Variants in WIPF1 observed in about 807,000 individuals in gnomAD.
The protein encoded by WIPF1 is WAS/WASL interacting protein family member 1, also known as WAS/WASL-interacting protein family member 1.
In WIPF1, 13 loss-of-function variants were observed where a neutral mutation model predicts 35.4. That is an observed-to-expected ratio of 0.37 (90% CI 0.24 to 0.58). The LOEUF (loss-of-function observed/expected upper bound fraction) is 0.58. Ranked by LOEUF, WIPF1 falls within the 20% of genes least tolerant of loss-of-function variation. The pLI, the probability that WIPF1 is intolerant of heterozygous loss-of-function variation, is 0.74. For missense variants in WIPF1, 591 were observed against 667.0 expected (o/e 0.89, Z 1.25); for synonymous variants, 267 against 266.3 (o/e 1.00, Z -0.02).
At chr2:174,563,906 A>G (rs1684563700) in intron 7 of WIPF1, among the ~76,000 whole-genome samples, 1 of 152,176 alleles carries the variant, frequency 6.6e-6, no homozygotes, top group African/African-American at 2.4e-5. Context: ...GTTAGGAGAA[A>G]ACACTGAAAG....
chr2:174,570,921 G>T (rs1684810965), intron 5 of WIPF1, among the ~76,000 whole-genome samples: 1 of 152,086 alleles, frequency 6.6e-6, no homozygotes, highest in African/African-American at 2.4e-5. Context: ...ATTATAATTC[G>T]GAGAGGGCAA....
chr2:174,566,907 C>A (rs772572253), intron 7 of WIPF1, 163 bp downstream of exon 7: 4 of 596,672 alleles, frequency 6.7e-6, no homozygotes, highest in Non-Finnish European at 1.2e-5. Context: ...TGGGCATCTG[C>A]AATTTCCTCA....
At chr2:174,679,654 T>C (rs1225254047) in intron 1 of WIPF1, among the ~76,000 whole-genome samples, 1 of 152,166 alleles carries the variant, frequency 6.6e-6, no homozygotes, top group East Asian at 1.9e-4. Context: ...AAGCTTCTCG[T>C]CACACCCATG....
At chr2:174,664,232 T>C (rs1055359985) in intron 1 of WIPF1, among the ~76,000 whole-genome samples, 1 of 152,034 alleles carries the variant, frequency 6.6e-6, no homozygotes, top group Non-Finnish European at 1.5e-5. Flanking sequence ...CGCCAGGCCT[T>C]GGGGCAGGAC....
At chr2:174,658,651 T>C (rs1687693965) in intron 1 of WIPF1, among the ~76,000 whole-genome samples, 1 of 151,958 alleles carries the variant, frequency 6.6e-6, no homozygotes, top group African/African-American at 2.4e-5. Context: ...CAGAATCTCA[T>C]GAGCATCCCA....
intron 1 of WIPF1, among the ~76,000 whole-genome samples, chr2:174,660,882 G>A (rs761274139): frequency 1.3e-5 from 2 of 152,230 alleles, no homozygotes; most frequent in Non-Finnish European, 2.9e-5. Context: ...GACAGAAAAA[G>A]TGCATGATAA....
chr2:174,648,098 A>T (rs1288399537), intron 1 of WIPF1, among the ~76,000 whole-genome samples: 3 of 152,256 alleles, frequency 2.0e-5, no homozygotes, highest in Non-Finnish European at 2.9e-5. Context: ...GGCCGCAGAC[A>T]GGCTGACTTA....
At chr2:174,652,026 C>A (rs994441728) in intron 1 of WIPF1, among the ~76,000 whole-genome samples, 2 of 152,192 alleles carry the variant, frequency 1.3e-5, no homozygotes, top group African/African-American at 4.8e-5. Flanking sequence ...GCCTTTATGG[C>A]ATGTAGCTGG....
intron 4 of WIPF1, 89 bp from the exon 5 acceptor site, chr2:174,572,535 C>G: frequency 6.5e-7 from 1 of 1,541,380 alleles, no homozygotes; most frequent in East Asian, 2.3e-5. Context: ...GACTGGAAGT[C>G]CCTTCCTCAG....
chr2:174,632,369 C>A (rs1419365171), intron 1 of WIPF1, among the ~76,000 whole-genome samples: 1 of 152,054 alleles, frequency 6.6e-6, no homozygotes, highest in Middle Eastern at 3.2e-3. Context: ...AGAATAAGGA[C>A]CCCCAGAAGA....
At chr2:174,663,666 A>G (rs1687828202) in intron 1 of WIPF1, among the ~76,000 whole-genome samples, 1 of 152,234 alleles carries the variant, frequency 6.6e-6, no homozygotes, top group Non-Finnish European at 1.5e-5. Context: ...TCCAGATATG[A>G]AAGTCACTGT....
intron 1 of WIPF1, among the ~76,000 whole-genome samples, chr2:174,608,546 T>C (rs1279499526): frequency 1.3e-5 from 2 of 152,142 alleles, no homozygotes; most frequent in African/African-American, 4.8e-5. Flanking sequence ...GGTAATTTAA[T>C]TAAAATGCAA....
At chr2:174,563,979 C>T (rs1156546516) in intron 7 of WIPF1, among the ~76,000 whole-genome samples, 1 of 152,210 alleles carries the variant, frequency 6.6e-6, no homozygotes, top group Non-Finnish European at 1.5e-5. Flanking sequence ...TGAGAAAAGA[C>T]TCATCTGGAT....
At chr2:174,651,749 A>C (rs917098587) in intron 1 of WIPF1, among the ~76,000 whole-genome samples, 2 of 152,248 alleles carry the variant, frequency 1.3e-5, no homozygotes, top group African/African-American at 2.4e-5. Flanking sequence ...AAAGGACCCC[A>C]AAACTCAGCT....
intron 1 of WIPF1, among the ~76,000 whole-genome samples, chr2:174,655,053 T>C (rs1687612940): frequency 2.0e-5 from 3 of 152,294 alleles, no homozygotes; most frequent in South Asian, 4.2e-4. Flanking sequence ...TTCCAGCCCA[T>C]TTCCATGAGG....
At chr2:174,600,936 T>G (rs1685985071), upstream of WIPF1, among the ~76,000 whole-genome samples, 4 of 133,300 alleles carry the variant, frequency 3.0e-5, no homozygotes. Context: ...TTTTTTTTTT[T>G]TTTTTTGAGA....
In WIPF1 at chr2:174,572,194, G is replaced by A; in HGVS notation, c.611C>T (p.Pro204Leu). The A allele has an allele frequency of 6.2e-7, 1 of 1,614,174 alleles. No individual in the cohort carries two copies. Among genetic ancestry groups the A allele is most frequent in the Non-Finnish European group, 8.5e-7 (1 of 1,180,024 alleles). ...CTGCCTGGGGCCTCCGGGCACTGGT[G>A]GGGACCCCCGGTTGTGCGGACTTGA... is the stretch of plus-strand genomic sequence containing the variant. ...IQSSPHNRGS[P>L]PVPGGPRQPS... The change falls in exon 5 of 8, where the codon CCA becomes CTA. Residue 204 changes from proline to leucine, a missense_variant. Around this residue, in one of 3 missense-constraint regions of WIPF1, gnomAD observed 471 missense variants for 501.1 expected, o/e 0.94. Transcript: ENST00000679041.
chr2:174,590,102 T>A lies in WIPF1; in HGVS notation c.-38-4491A>T, dbSNP rs186438094. On this transcript the variant is annotated intron_variant, in intron 1 of 7. Coordinates refer to ENST00000679041, the MANE Select transcript of WIPF1 (RefSeq NM_001375834.1). The surrounding 1 kb of genome is among the most constrained non-coding windows in gnomAD (Gnocchi z 4.6). The stretch of plus-strand genomic sequence containing the variant: ...AAAAACAAATTAAAATTAAATTTTT[T>A]AAAAAAAGGAGTCCTTTGGGCTTTA... Among the ~76,000 whole-genome samples, 4 of 152,164 alleles carry A rather than the reference T, an allele frequency of 2.6e-5. No individual in the cohort carries two copies. The highest frequency in any genetic ancestry group is 1.9e-4 in the East Asian group (1 of 5,176).
chr2:174,667,760 A>T (rs761754815), intron 1 of WIPF1, among the ~76,000 whole-genome samples: 2 of 152,200 alleles, frequency 1.3e-5, no homozygotes, highest in Non-Finnish European at 2.9e-5. Flanking sequence ...GGCTGAGGCT[A>T]GGCTGCCTAA....
Sources: allele counts gnomAD v4.1 joint callset (sites outside exome capture counted in the v4.1 genomes callset), GRCh38; gene constraint gnomAD v4.1.1; regional missense constraint gnomAD v4.1.1; non-coding constraint Gnocchi (gnomAD v3.1); transcripts MANE v1.5; gene names NCBI Gene and HGNC (gene_info 2026-07-23, HGNC 2026-07-21).